Variants in CREB5 observed in about 807,000 individuals in gnomAD.
The protein encoded by CREB5 is cyclic AMP-responsive element-binding protein 5.
In CREB5, 19 loss-of-function variants were observed where a neutral mutation model predicts 57.1. The ratio of observed to expected loss-of-function variants is 0.33; its 90% CI spans 0.23 to 0.49. The LOEUF (loss-of-function observed/expected upper bound fraction) is 0.49. CREB5 is among the 20% of genes least tolerant of loss of function. The pLI, the probability that CREB5 is intolerant of heterozygous loss-of-function variation, is 0.99. For missense variants in CREB5, 579 were observed against 671.6 expected (o/e 0.86, Z 1.52); for synonymous variants, 238 against 238.3 (o/e 1.00, Z 0.01).
chr7:28,465,797 A>G (rs1030003686), intron 1 of CREB5, among the ~76,000 whole-genome samples: 1 of 152,222 alleles, frequency 6.6e-6, no homozygotes, highest in African/African-American at 2.4e-5. Context: ...CATATGGAAA[A>G]AGCCACTGAA....
At chr7:28,622,828 C>T (rs1466804083) in intron 5 of CREB5, among the ~76,000 whole-genome samples, 1 of 152,102 alleles carries the variant, frequency 6.6e-6, no homozygotes, top group Non-Finnish European at 1.5e-5. Context: ...CAAGACCAGC[C>T]TGGGTAACAT....
intron 4 of CREB5, 128 bp downstream of exon 4, chr7:28,507,865 G>A: frequency 8.6e-7 from 1 of 1,169,084 alleles, no homozygotes; most frequent in Non-Finnish European, 1.1e-6. Context: ...GTGAGTATTT[G>A]TCTAATTTTT....
intron 4 of CREB5, among the ~76,000 whole-genome samples, chr7:28,550,169 TCTC>T (rs1356689305): frequency 6.6e-6 from 1 of 152,176 alleles, no homozygotes; most frequent in East Asian, 1.9e-4. Flanking sequence ...TCTTCTTTCT[TCTC>T]CTTCTCCTCT....
At chr7:28,684,758 C>T (rs1454960814) in intron 5 of CREB5, among the ~76,000 whole-genome samples, 1 of 152,132 alleles carries the variant, frequency 6.6e-6, no homozygotes, top group Non-Finnish European at 1.5e-5. Flanking sequence ...AAAATTGCAG[C>T]TTCATGCCTT....
chr7:28,412,839 A>C lies in CREB5; in HGVS notation c.-76A>C, dbSNP rs1787860810. On this transcript the variant is annotated 5_prime_UTR_variant, in exon 1 of 11. Transcript: ENST00000357727. ...TAATCTTGCTGGTGAAACAGAAGTTACTAGAAAGAAAGGAAGAAAAAACTT... is the reference window on the plus strand; with the variant it reads ...TAATCTTGCTGGTGAAACAGAAGTTCCTAGAAAGAAAGGAAGAAAAAACTT... 1.5e-6 allele frequency: 2 copies of C among 1,337,826 alleles called. No homozygotes were observed. Among genetic ancestry groups the C allele is most frequent in the Non-Finnish European group, 2.0e-6 (2 of 1,000,196 alleles). 82.9% of individuals were successfully genotyped at this position (1,337,826 alleles called of 1,614,324 possible).
At chr7:28,468,180 T>C (rs1172456334) in intron 1 of CREB5, among the ~76,000 whole-genome samples, 1 of 152,132 alleles carries the variant, frequency 6.6e-6, no homozygotes, top group Non-Finnish European at 1.5e-5. Flanking sequence ...CATAGGGGGC[T>C]CATTTCTGGG....
At chr7:28,388,891 A>C (rs886330004) in intron 1 of CREB5, among the ~76,000 whole-genome samples, 1 of 152,224 alleles carries the variant, frequency 6.6e-6, no homozygotes, top group Non-Finnish European at 1.5e-5. Flanking sequence ...TCACAAGGTC[A>C]TTTGATATAT....
chr7:28,389,526 A>T (rs907908026), intron 1 of CREB5, among the ~76,000 whole-genome samples: 3 of 152,180 alleles, frequency 2.0e-5, no homozygotes, highest in African/African-American at 7.2e-5. Context: ...TCTTGTCCTC[A>T]GATGGTGTTC....
At chr7:28,400,275 C>T (rs1410290687) in intron 1 of CREB5, among the ~76,000 whole-genome samples, 1 of 152,210 alleles carries the variant, frequency 6.6e-6, no homozygotes, top group Non-Finnish European at 1.5e-5. Flanking sequence ...TACTTAGCCT[C>T]ACTGAGCTTC....
At chr7:28,373,369 A>G (rs914348654) in intron 1 of CREB5, among the ~76,000 whole-genome samples, 1 of 152,190 alleles carries the variant, frequency 6.6e-6, no homozygotes, top group African/African-American at 2.4e-5. Context: ...AAACATGTAC[A>G]GAAGTGACAA....
At chr7:28,580,186 C>G (rs1796063575) in intron 5 of CREB5, among the ~76,000 whole-genome samples, 1 of 152,104 alleles carries the variant, frequency 6.6e-6, no homozygotes, top group Non-Finnish European at 1.5e-5. Flanking sequence ...GATGCCTACT[C>G]CAAATCATAG....
intron 4 of CREB5, among the ~76,000 whole-genome samples, chr7:28,530,715 G>A (rs1432213247): frequency 3.3e-5 from 5 of 152,144 alleles, no homozygotes. Flanking sequence ...CGAGTCCTTT[G>A]ACCACAGTTG....
At chr7:28,565,994 C>T (rs1433179705) in intron 4 of CREB5, among the ~76,000 whole-genome samples, 1 of 152,184 alleles carries the variant, frequency 6.6e-6, no homozygotes, top group Non-Finnish European at 1.5e-5. Flanking sequence ...TATTTTAAAG[C>T]AGTTAGCATG....
intron 7 of CREB5, among the ~76,000 whole-genome samples, chr7:28,760,283 CA>C (rs1212678005): frequency 1.3e-5 from 2 of 152,120 alleles, no homozygotes; most frequent in East Asian, 3.8e-4. Context: ...TTTCCTCTCC[CA>C]GGAGACTCAA....
chr7:28,803,755 CAAAAAAAAAA>C (rs562078960), intron 7 of CREB5, among the ~76,000 whole-genome samples: 3 of 79,800 alleles, frequency 3.8e-5, no homozygotes, highest in African/African-American at 1.5e-4. Context: ...GACTCCATCT[CAAAAAAAAAA>C]AAAAAAAAAA....
At chr7:28,760,209 A>G (rs1219784023) in intron 7 of CREB5, among the ~76,000 whole-genome samples, 1 of 152,204 alleles carries the variant, frequency 6.6e-6, no homozygotes, top group Non-Finnish European at 1.5e-5. Context: ...GGTCTTTATT[A>G]GAACACAACA....
intron 1 of CREB5, among the ~76,000 whole-genome samples, chr7:28,401,226 G>T (rs549437240): frequency 1.3e-5 from 2 of 151,990 alleles, no homozygotes; most frequent in South Asian, 2.1e-4. Context: ...TGAGATAGGT[G>T]AAGCTTTTGA....
intron 1 of CREB5, among the ~76,000 whole-genome samples, chr7:28,384,100 G>A (rs1349801454): frequency 1.3e-5 from 2 of 152,134 alleles, no homozygotes; most frequent in East Asian, 1.9e-4. Flanking sequence ...TGAGCTGAGT[G>A]CTTATTAGAT....
chr7:28,415,338 G>A (rs1009084232), intron 1 of CREB5, among the ~76,000 whole-genome samples: 2 of 152,158 alleles, frequency 1.3e-5, no homozygotes, highest in Non-Finnish European at 2.9e-5. Context: ...GCTAGAGAGA[G>A]CCAAACCAGG....
Sources: gnomAD v4.1 joint callset for allele counts (sites outside exome capture counted in the v4.1 genomes callset) on GRCh38, gnomAD v4.1.1 for gene constraint, MANE v1.5 for transcripts, NCBI Gene and HGNC (gene_info 2026-07-23, HGNC 2026-07-21) for gene names.